Variants in ARHGAP24 observed in about 807,000 individuals in gnomAD.
ARHGAP24 encodes the protein rho GTPase-activating protein 24.
In ARHGAP24, 50 loss-of-function variants were observed where a neutral mutation model predicts 76.4. The observed-to-expected ratio is 0.65, with a 90% confidence interval of 0.52 to 0.83. The LOEUF (loss-of-function observed/expected upper bound fraction) is 0.83. Ranked by LOEUF, ARHGAP24 falls within the 40% of genes least tolerant of loss-of-function variation. ARHGAP24 has a pLI of 0.00. For synonymous variants in ARHGAP24, 345 were observed against 323.3 expected (o/e 1.07, Z -0.72); for missense variants, 930 against 914.2 (o/e 1.02, Z -0.22).
intron 3 of ARHGAP24, among the ~76,000 whole-genome samples, chr4:85,906,759 A>G (rs1365354235): frequency 6.6e-6 from 1 of 152,216 alleles, no homozygotes; most frequent in Non-Finnish European, 1.5e-5. Flanking sequence ...TATTAGCATC[A>G]TGGAAGTCAG....
intron 2 of ARHGAP24, among the ~76,000 whole-genome samples, chr4:85,619,618 C>T (rs926910836): frequency 6.6e-6 from 1 of 151,812 alleles, no homozygotes; most frequent in Non-Finnish European, 1.5e-5. Context: ...TTATTCGTGT[C>T]ATCTTCAACT....
intron 1 of ARHGAP24, among the ~76,000 whole-genome samples, chr4:85,521,785 C>T (rs192123814): frequency 2.0e-4 from 31 of 152,238 alleles, no homozygotes; most frequent in Admixed American, 3.3e-4. Flanking sequence ...ATCTCACAGT[C>T]TCATAGGAAA....
At chr4:85,801,482 T>C (rs1254329988) in intron 3 of ARHGAP24, among the ~76,000 whole-genome samples, 1 of 152,260 alleles carries the variant, frequency 6.6e-6, no homozygotes, top group Non-Finnish European at 1.5e-5. Context: ...TCAGTTGCTC[T>C]GCTACAGGAA....
intron 5 of ARHGAP24, among the ~76,000 whole-genome samples, chr4:85,948,708 A>G (rs1185012288): frequency 2.0e-5 from 3 of 152,244 alleles, no homozygotes; most frequent in Non-Finnish European, 4.4e-5. Context: ...TCATAAAAAA[A>G]GGTTTCTATT....
chr4:85,516,268 G>A (rs550170996), intron 1 of ARHGAP24, among the ~76,000 whole-genome samples: 2 of 152,134 alleles, frequency 1.3e-5, no homozygotes, highest in Admixed American at 1.3e-4. Flanking sequence ...ATAAGCTCTG[G>A]CCACCTGCAT....
chr4:85,897,361 TA>T (rs1734236190), intron 3 of ARHGAP24, among the ~76,000 whole-genome samples: 2 of 152,342 alleles, frequency 1.3e-5, no homozygotes, highest in Middle Eastern at 3.4e-3. Flanking sequence ...TTATCTACTT[TA>T]AAAAATATAT....
At chr4:85,845,159 A>G (rs1044380407) in intron 3 of ARHGAP24, among the ~76,000 whole-genome samples, 1 of 152,230 alleles carries the variant, frequency 6.6e-6, no homozygotes, top group African/African-American at 2.4e-5. Context: ...TCTGGACAAT[A>G]AAGGAAGGTA....
intron 1 of ARHGAP24, among the ~76,000 whole-genome samples, chr4:85,497,816 G>A (rs1022105520): frequency 1.3e-5 from 2 of 152,088 alleles, no homozygotes; most frequent in Non-Finnish European, 2.9e-5. Flanking sequence ...CCAAAACTCA[G>A]TCTGGAAAAA....
intron 5 of ARHGAP24, among the ~76,000 whole-genome samples, chr4:85,961,548 C>T (rs181429305): frequency 5.3e-5 from 8 of 152,006 alleles, no homozygotes; most frequent in Admixed American, 5.2e-4. Flanking sequence ...CATTGTTCAT[C>T]CCGGAATTAG....
chr4:85,768,370 C>T (rs536373200), intron 3 of ARHGAP24, among the ~76,000 whole-genome samples: 9 of 152,132 alleles, frequency 5.9e-5, no homozygotes, highest in Admixed American at 2.0e-4. Context: ...GATAATACAG[C>T]AGGAAAAGAA....
At chr4:85,886,233 A>G (rs1733559066) in intron 3 of ARHGAP24, among the ~76,000 whole-genome samples, 1 of 152,214 alleles carries the variant, frequency 6.6e-6, no homozygotes, top group South Asian at 2.1e-4. Context: ...TATTTACTGT[A>G]ATATGATAAA....
chr4:85,528,711 G>A lies in ARHGAP24; in HGVS notation c.-20-41811G>A, dbSNP rs571229147. On this transcript the variant is annotated intron_variant, in intron 1 of 9. Transcript: ENST00000395184. ...TAAAGTTCAAACAGATTAATATTGC[G>A]TGTCTGTCTTTTGCATATACATGAA... Among the ~76,000 whole-genome samples the A allele has an allele frequency of 2.8e-4, 42 of 152,042 alleles. 1 individual carries two copies. The highest frequency in any genetic ancestry group is 6.7e-4 in the African/African-American group (28 of 41,538).
intron 5 of ARHGAP24, 148 bp from the exon 6 acceptor site, chr4:85,971,888 T>A: frequency 9.6e-7 from 1 of 1,040,890 alleles, no homozygotes; most frequent in Non-Finnish European, 1.4e-6. Flanking sequence ...CTAATAGGCA[T>A]CACATAAATG....
chr4:85,950,110 G>C (rs1052094178), intron 5 of ARHGAP24, among the ~76,000 whole-genome samples: 1 of 152,114 alleles, frequency 6.6e-6, no homozygotes, highest in African/African-American at 2.4e-5. Flanking sequence ...TGATATGGTG[G>C]AGGTATAACA....
At chr4:85,518,483 G>A (rs1433464219) in intron 1 of ARHGAP24, among the ~76,000 whole-genome samples, 1 of 152,040 alleles carries the variant, frequency 6.6e-6, no homozygotes, top group African/African-American at 2.4e-5. Context: ...AGTATACACT[G>A]CACCATATTT....
intron 2 of ARHGAP24, among the ~76,000 whole-genome samples, chr4:85,707,106 A>G (rs1447205667): frequency 6.6e-6 from 1 of 152,126 alleles, no homozygotes; most frequent in African/African-American, 2.4e-5. Flanking sequence ...TTGTGGAGGC[A>G]CAGTCTTGCT....
chr4:85,606,190 G>A (rs1720184757), intron 2 of ARHGAP24, among the ~76,000 whole-genome samples: 1 of 152,170 alleles, frequency 6.6e-6, no homozygotes, highest in South Asian at 2.1e-4. Context: ...AGACCTCAAA[G>A]GGGCATTTAG....
chr4:85,761,659 A>AT (rs1334181372), intron 3 of ARHGAP24, among the ~76,000 whole-genome samples: 1 of 152,210 alleles, frequency 6.6e-6, no homozygotes, highest in Non-Finnish European at 1.5e-5. Context: ...TGAATGCAGT[A>AT]TGAGAACAGG....
chr4:85,586,524 G>A (rs1727867128), intron 2 of ARHGAP24, among the ~76,000 whole-genome samples: 2 of 152,128 alleles, frequency 1.3e-5, no homozygotes, highest in Non-Finnish European at 2.9e-5. Flanking sequence ...TATCTACGAT[G>A]TTACATCTAT....
Sources: gnomAD v4.1 joint callset for allele counts (sites outside exome capture counted in the v4.1 genomes callset) on GRCh38, gnomAD v4.1.1 for gene constraint, MANE v1.5 for transcripts, NCBI Gene and HGNC (gene_info 2026-07-23, HGNC 2026-07-21) for gene names.